Variants in SUGCT observed in about 807,000 individuals in gnomAD.
SUGCT encodes succinyl-CoA:glutarate-CoA transferase, also known as succinyl-CoA:glutarate CoA-transferase.
SUGCT carries 41 observed loss-of-function variants against 55.0 expected under a neutral mutation model. The ratio of observed to expected loss-of-function variants is 0.74; its 90% CI spans 0.58 to 0.97. The LOEUF is 0.97. SUGCT is among the 50% of genes least tolerant of loss of function. The pLI is 0.00. For missense variants in SUGCT, 568 were observed against 547.8 expected (o/e 1.04, Z -0.37); for synonymous variants, 187 against 200.4 (o/e 0.93, Z 0.56).
chr7:40,525,574 A>T (rs905142757), intron 12 of SUGCT, among the ~76,000 whole-genome samples: 3 of 152,116 alleles, frequency 2.0e-5, no homozygotes, highest in Non-Finnish European at 4.4e-5. Flanking sequence ...ATGGAAAGAA[A>T]GTGACATTTA....
chr7:40,900,765 G>A, the SUGCT span, among the ~76,000 whole-genome samples: 1 of 152,240 alleles, frequency 6.6e-6, no homozygotes, highest in Non-Finnish European at 1.5e-5. Flanking sequence ...ACTTAGGACA[G>A]AGTAAGGACT....
chr7:40,232,870 A>G (rs1301173126), intron 6 of SUGCT, among the ~76,000 whole-genome samples: 1 of 152,206 alleles, frequency 6.6e-6, no homozygotes. Context: ...AATATAAAGT[A>G]GAATCGATAT....
chr7:40,570,850 C>CTTT lies in SUGCT; in HGVS notation c.1089+74489_1089+74491dup, dbSNP rs776733346. ...CCCCTCTGGGCAAAAGCTTTAGGCT[C>CTTT]TTTTTTTTTTTTTTTTTTTTTTTTT... On this transcript the variant is annotated intron_variant, in intron 12 of 13. Coordinates refer to ENST00000335693, the MANE Select transcript of SUGCT (RefSeq NM_001193313.2). 1.6e-3 allele frequency among the ~76,000 whole-genome samples: 83 copies of CTTT among 52,300 alleles called. 14 individuals carry two copies. The highest frequency in any genetic ancestry group is 3.9e-3 in the African/African-American group (45 of 11,526). The allele number at this position is 52,300 out of a possible 152,430, so 34.3% of individuals were successfully genotyped here. A position where few individuals can be genotyped will look rare whatever the true frequency, so the allele number is the denominator to read the frequency against.
intron 9 of SUGCT, among the ~76,000 whole-genome samples, chr7:40,337,169 C>T (rs1423652274): frequency 6.6e-6 from 1 of 152,068 alleles, no homozygotes; most frequent in Admixed American, 6.6e-5. Flanking sequence ...TTACTTCTGA[C>T]TATGTGGTCA....
At chr7:40,852,349 G>T (rs1429039133) in intron 13 of SUGCT, among the ~76,000 whole-genome samples, 3 of 152,082 alleles carry the variant, frequency 2.0e-5, no homozygotes, top group African/African-American at 7.2e-5. Context: ...TACCATTCCA[G>T]TCAAGGCTGC....
At chr7:40,721,413 G>C (rs1786331472) in intron 12 of SUGCT, among the ~76,000 whole-genome samples, 1 of 152,154 alleles carries the variant, frequency 6.6e-6, no homozygotes, top group African/African-American at 2.4e-5. Context: ...TTTGCTGTCT[G>C]CAACAGTGGC....
intron 12 of SUGCT, among the ~76,000 whole-genome samples, chr7:40,697,273 T>G (rs528445789): frequency 6.6e-6 from 1 of 152,318 alleles, no homozygotes; most frequent in Admixed American, 6.5e-5. Context: ...GACTCTAGAC[T>G]CTTGACTTAC....
At chr7:40,170,934 GA>G (rs1562812039) in intron 1 of SUGCT, among the ~76,000 whole-genome samples, 1 of 152,084 alleles carries the variant, frequency 6.6e-6, no homozygotes, top group African/African-American at 2.4e-5. Flanking sequence ...CAGCATACCC[GA>G]CATTGCCTTT....
chr7:40,378,432 CT>C (rs986835751), intron 9 of SUGCT, among the ~76,000 whole-genome samples: 1 of 152,176 alleles, frequency 6.6e-6, no homozygotes, highest in African/African-American at 2.4e-5. Flanking sequence ...TGTTATTGTA[CT>C]TTTCAACTCC....
chr7:40,695,205 T>TTATG, intron 12 of SUGCT, among the ~76,000 whole-genome samples: 1 of 150,356 alleles, frequency 6.7e-6, no homozygotes, highest in East Asian at 2.0e-4. Context: ...ATTTATTTAT[T>TTATG]TATTTATTTA....
At position 40,733,777 on chromosome 7, in the gene SUGCT, G is replaced by A. The variant is rs574390947; in HGVS notation, c.1090-15657G>A. ...CCTCATGGCAGAGGACTAAGTAATCGGCACATTTATCAACCGCTGCTTGGC... is the reference window on the plus strand; with the variant it reads ...CCTCATGGCAGAGGACTAAGTAATCAGCACATTTATCAACCGCTGCTTGGC... On this transcript the variant is annotated intron_variant, in intron 12 of 13. Transcript: ENST00000335693. Among the ~76,000 whole-genome samples the A allele has an allele frequency of 3.9e-5, 6 of 152,152 alleles. No individual in the cohort carries two copies. The East Asian group carries it at 1.2e-3, about 29-fold the overall frequency.
In SUGCT at chr7:40,780,775, C is replaced by CT. The variant is rs34455435; in HGVS notation, c.1153+31293dup. On this transcript the variant is annotated intron_variant, in intron 13 of 13. Transcript: ENST00000335693. ...TTTCTTTTTCTTTCTTCTTCTTCTTCTTTTTTTTTTTTTTTAATTTTGTTG... is the reference window on the plus strand; with the variant it reads ...TTTCTTTTTCTTTCTTCTTCTTCTTCTTTTTTTTTTTTTTTTAATTTTGTTG... Among the ~76,000 whole-genome samples, 946 of 134,804 alleles carry CT rather than the reference C, an allele frequency of 7.0e-3. 7 individuals are homozygous for CT. The highest frequency in any genetic ancestry group is 9.2e-3 in the African/African-American group (334 of 36,110). 88.4% of individuals were successfully genotyped at this position (134,804 alleles called of 152,430 possible).
intron 4 of SUGCT, among the ~76,000 whole-genome samples, chr7:40,189,210 C>T (rs1007372258): frequency 1.3e-5 from 2 of 152,022 alleles, no homozygotes; most frequent in African/African-American, 4.8e-5. Flanking sequence ...GGCGTGGTGG[C>T]GTGTGCCTGT....
chr7:40,453,520 A>G (rs1789306681), intron 10 of SUGCT, among the ~76,000 whole-genome samples: 1 of 152,230 alleles, frequency 6.6e-6, no homozygotes, highest in South Asian at 2.1e-4. Flanking sequence ...GAATTAGTAA[A>G]TAGACAACTG....
chr7:40,978,310 G>C, the SUGCT span, among the ~76,000 whole-genome samples: 1 of 152,204 alleles, frequency 6.6e-6, no homozygotes, highest in African/African-American at 2.4e-5. Context: ...AGTCAGGCAG[G>C]GGTTGCTCTC....
intron 9 of SUGCT, among the ~76,000 whole-genome samples, chr7:40,413,803 T>TA (rs1267654844): frequency 2.6e-5 from 4 of 151,972 alleles, no homozygotes; most frequent in Non-Finnish European, 4.4e-5. Flanking sequence ...AGTGACAACA[T>TA]AAAAAAAACT....
chr7:40,183,661 T>C (rs1785341763), intron 3 of SUGCT, among the ~76,000 whole-genome samples: 1 of 152,194 alleles, frequency 6.6e-6, no homozygotes, highest in African/African-American at 2.4e-5. Context: ...AAAGAAACAT[T>C]TCCCCATTTT....
rs552442895 is a variant in SUGCT, at chr7:40,680,681, T to C, written c.1090-68753T>C. On this transcript the variant is annotated intron_variant, in intron 12 of 13. Transcript: ENST00000335693. The stretch of plus-strand genomic sequence containing the variant: ...TGGTACAATCCTAATCTGGAGGAAA[T>C]TATGAAATTTATAACTGGGAATCAC... Among the ~76,000 whole-genome samples the C allele has an allele frequency of 1.2e-3, 186 of 152,282 alleles. 1 individual carries two copies. Among genetic ancestry groups the C allele is most frequent in the Non-Finnish European group, 2.2e-3 (148 of 68,010 alleles).
chr7:40,744,120 G>T (rs1242642647), intron 12 of SUGCT, among the ~76,000 whole-genome samples: 1 of 151,072 alleles, frequency 6.6e-6, no homozygotes, highest in African/African-American at 2.4e-5. Context: ...TAGACGCGGG[G>T]TTTCGCCATG....
Sources: gnomAD v4.1 joint callset for allele counts (sites outside exome capture counted in the v4.1 genomes callset) on GRCh38, gnomAD v4.1.1 for gene constraint, MANE v1.5 for transcripts, NCBI Gene and HGNC (gene_info 2026-07-23, HGNC 2026-07-21) for gene names.